ZNF804B: variants seen among roughly 807,000 people sequenced by gnomAD.
The protein encoded by ZNF804B is zinc finger protein 804B.
ZNF804B carries 80 observed loss-of-function variants against 101.4 expected under a neutral mutation model. That is an observed-to-expected ratio of 0.79 (90% CI 0.66 to 0.95). The LOEUF (loss-of-function observed/expected upper bound fraction) is 0.95. ZNF804B is among the 40% of genes least tolerant of loss of function. The pLI is 0.00. For synonymous variants in ZNF804B, 622 were observed against 558.8 expected, an observed-to-expected ratio of 1.11 and a Z score of -1.59; for missense variants, 1,673 against 1,561.9, an observed-to-expected ratio of 1.07 and a Z score of -1.20.
At chr7:89,109,825 C>T (rs1441644350) in intron 1 of ZNF804B, among the ~76,000 whole-genome samples, 3 of 152,008 alleles carry the variant, frequency 2.0e-5, no homozygotes, top group African/African-American at 7.3e-5. Flanking sequence ...TTTATTTTGT[C>T]ACTCTACTCC....
At chr7:89,166,400 G>A (rs1791144544) in intron 1 of ZNF804B, among the ~76,000 whole-genome samples, 1 of 152,092 alleles carries the variant, frequency 6.6e-6, no homozygotes, top group Non-Finnish European at 1.5e-5. Flanking sequence ...TATGTTATGT[G>A]TATCACATAC....
chr7:89,154,888 C>T (rs985851923), intron 1 of ZNF804B, among the ~76,000 whole-genome samples: 8 of 151,562 alleles, frequency 5.3e-5, no homozygotes, highest in Admixed American at 5.3e-4. Flanking sequence ...TTAAAAAATC[C>T]TGTAATTGTG....
At chr7:88,932,947 G>C (rs1389568610) in intron 1 of ZNF804B, among the ~76,000 whole-genome samples, 1 of 151,596 alleles carries the variant, frequency 6.6e-6, no homozygotes, top group Non-Finnish European at 1.5e-5. Context: ...ATTTTTATAT[G>C]AATCTAGTAT....
chr7:89,136,198 G>A (rs984076684), intron 1 of ZNF804B, among the ~76,000 whole-genome samples: 1 of 152,026 alleles, frequency 6.6e-6, no homozygotes. Context: ...TCAGGCATGA[G>A]TATCTCTTTT....
intron 1 of ZNF804B, among the ~76,000 whole-genome samples, chr7:88,998,759 A>T (rs1006333747): frequency 6.6e-6 from 1 of 151,956 alleles, no homozygotes; most frequent in Non-Finnish European, 1.5e-5. Context: ...GAGGTGGGAC[A>T]ATTTCTTCCT....
At chr7:88,942,346 A>G (rs369340780) in intron 1 of ZNF804B, among the ~76,000 whole-genome samples, 2 of 152,010 alleles carry the variant, frequency 1.3e-5, no homozygotes, top group Non-Finnish European at 2.9e-5. Flanking sequence ...GTGCTATTAT[A>G]GTTTTCATAA....
At chr7:88,905,198 G>T (rs1792449982) in intron 1 of ZNF804B, among the ~76,000 whole-genome samples, 1 of 152,124 alleles carries the variant, frequency 6.6e-6, no homozygotes, top group African/African-American at 2.4e-5. Flanking sequence ...TGTGTCTATT[G>T]AGATAATCAT....
At chr7:89,173,025 A>T (rs1378211365) in intron 1 of ZNF804B, among the ~76,000 whole-genome samples, 2 of 152,148 alleles carry the variant, frequency 1.3e-5, no homozygotes. Flanking sequence ...CAAGGCAATG[A>T]TTACAATTTG....
chr7:89,250,285 C>T (rs1242195518), intron 2 of ZNF804B, among the ~76,000 whole-genome samples: 1 of 151,854 alleles, frequency 6.6e-6, no homozygotes, highest in Non-Finnish European at 1.5e-5. Context: ...TACCAAAGAC[C>T]CTCAGATATT....
At chr7:89,072,255 T>A (rs1190465601) in intron 1 of ZNF804B, among the ~76,000 whole-genome samples, 2 of 152,204 alleles carry the variant, frequency 1.3e-5, no homozygotes, top group Non-Finnish European at 2.9e-5. Flanking sequence ...CAGTTTTCTC[T>A]GAGGCCTAGG....
At chr7:88,941,442 A>C (rs970417417) in intron 1 of ZNF804B, among the ~76,000 whole-genome samples, 6 of 152,044 alleles carry the variant, frequency 3.9e-5, no homozygotes, top group African/African-American at 1.4e-4. Context: ...AAGAAAATGA[A>C]CTATCAAGCA....
rs138006890 is a variant in ZNF804B at position 89,266,147 on chromosome 7, C to A, written c.249+47852C>A. On this transcript the variant is annotated intron_variant, in intron 2 of 3. Coordinates refer to ENST00000333190, the MANE Select transcript of ZNF804B (RefSeq NM_181646.5). The stretch of plus-strand genomic sequence containing the variant: ...CTGACCTCCAGAACAGGGCCATTTC[C>A]ATTCTTCTTCTGAGCAGCTTGCCTA... 4.2e-3 allele frequency among the ~76,000 whole-genome samples: 633 copies of A among 152,184 alleles called. 5 individuals carry two copies. The highest frequency in any genetic ancestry group is 0.015 in the African/African-American group (605 of 41,534).
intron 1 of ZNF804B, among the ~76,000 whole-genome samples, chr7:88,926,867 T>C (rs1792807841): frequency 6.6e-6 from 1 of 151,642 alleles, no homozygotes; most frequent in Non-Finnish European, 1.5e-5. Flanking sequence ...AGACTTTTTA[T>C]TTTTTGCTAA....
At chr7:89,327,314 G>C (rs1270868899) in intron 2 of ZNF804B, 30 bp from the exon 3 acceptor site, 1 of 1,561,870 alleles carries the variant, frequency 6.4e-7, no homozygotes, top group Admixed American at 2.1e-5. Context: ...TTTATTTATA[G>C]TACCTTTTTG....
chr7:88,759,954 T>A lies in ZNF804B; in HGVS notation c.-23T>A. On this transcript the variant is annotated 5_prime_UTR_variant, in exon 1 of 4. Coordinates refer to ENST00000333190, the MANE Select transcript of ZNF804B (RefSeq NM_181646.5). ...TGGTCGCCTGGTGAGGAGTTGAGACTCTGCGCCTCCGCCCGGACCCACATG... is the reference window on the plus strand; with the variant it reads ...TGGTCGCCTGGTGAGGAGTTGAGACACTGCGCCTCCGCCCGGACCCACATG... The A allele has an allele frequency of 6.2e-7, 1 of 1,610,016 alleles. No individual in the cohort carries two copies. Among genetic ancestry groups the A allele is most frequent in the Non-Finnish European group, 8.5e-7 (1 of 1,176,362 alleles).
chr7:88,868,603 C>G (rs1791772298), intron 1 of ZNF804B, among the ~76,000 whole-genome samples: 1 of 152,206 alleles, frequency 6.6e-6, no homozygotes, highest in African/African-American at 2.4e-5. Context: ...ACACTGTGGG[C>G]AACCACTGCC....
rs552310818 is a variant in ZNF804B at position 89,065,617 on chromosome 7, T to A, written c.109-152538T>A. On this transcript the variant is annotated intron_variant, in intron 1 of 3. Transcript: ENST00000333190. Reference sequence around the variant, plus strand: ...TGGGTTAAAACACCAATTTATTCTCTTATAGATCTGGAGGTCAGAAGTCTA... The same window carrying A: ...TGGGTTAAAACACCAATTTATTCTCATATAGATCTGGAGGTCAGAAGTCTA... Among the ~76,000 whole-genome samples the A allele has an allele frequency of 2.0e-5, 3 of 152,222 alleles. No homozygotes were observed. The South Asian group carries it at 6.2e-4, about 32-fold the overall frequency.
chr7:88,865,832 T>A (rs926433468), intron 1 of ZNF804B, among the ~76,000 whole-genome samples: 1 of 152,242 alleles, frequency 6.6e-6, no homozygotes, highest in African/African-American at 2.4e-5. Context: ...AAATGTCATC[T>A]ATGCCACTTG....
At chr7:89,270,469 C>G (rs959204362) in intron 2 of ZNF804B, among the ~76,000 whole-genome samples, 1 of 152,026 alleles carries the variant, frequency 6.6e-6, no homozygotes, top group Non-Finnish European at 1.5e-5. Context: ...GTTACTGTAG[C>G]CTTGTAGTAT....
Sources: allele counts gnomAD v4.1 joint callset (sites outside exome capture counted in the v4.1 genomes callset), GRCh38; gene constraint gnomAD v4.1.1; transcripts MANE v1.5; gene names NCBI Gene and HGNC (gene_info 2026-07-23, HGNC 2026-07-21).